TERB1: variants seen among roughly 807,000 people sequenced by gnomAD.
TERB1 encodes the protein telomere repeats-binding bouquet formation protein 1.
Under a neutral mutation model 92.3 loss-of-function variants are expected in TERB1, and 63 were observed. The observed-to-expected ratio is 0.68, with a 90% CI of 0.56 to 0.84. The LOEUF (loss-of-function observed/expected upper bound fraction) is 0.84. TERB1 is among the 40% of genes least tolerant of loss of function. The pLI is 0.00. For synonymous variants in TERB1, 252 were observed against 283.9 expected (o/e 0.89, Z 1.13); for missense variants, 709 against 843.7 (o/e 0.84, Z 1.98).
rs567631836 is a variant in TERB1 at position 66,796,933 on chromosome 16, C to T, written c.-32-103G>A. 1,680 of 569,122 alleles carry T rather than the reference C, an allele frequency of 3.0e-3. 34 individuals are homozygous for T. The highest frequency in any genetic ancestry group is 0.029 in the South Asian group (1,162 of 39,720). The allele number at this position is 569,122 out of a possible 1,614,324, so 35.3% of individuals were successfully genotyped here. On this transcript the variant is annotated intron_variant, in intron 2 of 18. Coordinates refer to ENST00000433154, the MANE Select transcript of TERB1 (RefSeq NM_001136505.2). ...AATTGTTTTCCTGAAGCCAAAAGAC[C>T]GAGGAACTACAACTTTTAAAATAAT...
intron 16 of TERB1, among the ~76,000 whole-genome samples, chr16:66,766,902 C>T (rs1315838472): frequency 6.6e-6 from 1 of 152,170 alleles, no homozygotes; most frequent in Non-Finnish European, 1.5e-5. Context: ...CAGCCTTGGC[C>T]TTCCAAAGTG....
chr16:66,770,004 A>G lies in TERB1; in HGVS notation c.1578T>C (p.His526=), dbSNP rs1345572429. 3 of 1,551,152 alleles carry G rather than the reference A, an allele frequency of 1.9e-6. No individual in the cohort carries two copies. The highest frequency in any genetic ancestry group is 2.4e-5 in the East Asian group (1 of 40,926). Reference sequence around the variant, plus strand: ...AATTCTTTTCAAAAGTAGTTTCTTCATGTAAGTTTTGATTGCAGCTTGACT... The same window carrying G: ...AATTCTTTTCAAAAGTAGTTTCTTCGTGTAAGTTTTGATTGCAGCTTGACT... ...KAKSSCNQNL[H]EETTFEKNFV... The change falls in exon 14 of 19, where the codon CAT becomes CAC. Residue 526 remains histidine (H), a synonymous_variant. Transcript: ENST00000433154.
intron 16 of TERB1, among the ~76,000 whole-genome samples, chr16:66,767,102 G>T (rs989346974): frequency 6.6e-6 from 1 of 151,606 alleles, no homozygotes; most frequent in African/African-American, 2.4e-5. Flanking sequence ...GCTGAGGCAG[G>T]CAGATCATTT....
At chr16:66,782,140 A>G (rs1012470166) in intron 9 of TERB1, among the ~76,000 whole-genome samples, 1 of 152,206 alleles carries the variant, frequency 6.6e-6, no homozygotes, top group Non-Finnish European at 1.5e-5. Context: ...TTTTTCTAGC[A>G]TTATTTGTTG....
At chr16:66,784,312 C>T (rs2018684738) in intron 9 of TERB1, among the ~76,000 whole-genome samples, 1 of 151,608 alleles carries the variant, frequency 6.6e-6, no homozygotes, top group Non-Finnish European at 1.5e-5. Flanking sequence ...TAGGTAGAAG[C>T]TAATATGGTT....
intron 3 of TERB1, among the ~76,000 whole-genome samples, chr16:66,794,335 A>T (rs1051204893): frequency 1.3e-5 from 2 of 152,014 alleles, no homozygotes; most frequent in Non-Finnish European, 2.9e-5. Flanking sequence ...CCTGAGCTCA[A>T]GCCATCCTCC....
At chr16:66,801,763 A>T (rs1411214039), upstream of TERB1, 1 of 152,212 alleles carries the variant, frequency 6.6e-6, no homozygotes, top group Non-Finnish European at 1.5e-5. Flanking sequence ...TTGAAAGAGA[A>T]ATCTCACCGC....
At chr16:66,780,480 G>A (rs1005818300) in intron 9 of TERB1, among the ~76,000 whole-genome samples, 3 of 152,006 alleles carry the variant, frequency 2.0e-5, no homozygotes, top group African/African-American at 4.8e-5. Context: ...TAAGGCAGGG[G>A]GATCACTTAG....
chr16:66,772,827 C>A (rs2018476675), intron 12 of TERB1, 78 bp from the exon 13 acceptor site: 1 of 1,078,626 alleles, frequency 9.3e-7, no homozygotes, highest in Non-Finnish European at 1.3e-6. Context: ...ACAGCCCACC[C>A]TCTCCTTTCT....
chr16:66,772,802 T>C lies in TERB1; in HGVS notation c.1112-53A>G, dbSNP rs1301008934. Reference sequence around the variant, plus strand: ...TGAAAAGTTATTTAAACACTTTATATATAAGGACAACTTCACAGCCCACCC... The same window carrying C: ...TGAAAAGTTATTTAAACACTTTATACATAAGGACAACTTCACAGCCCACCC... On this transcript the variant is annotated intron_variant, in intron 12 of 18. Coordinates refer to ENST00000433154, the MANE Select transcript of TERB1 (RefSeq NM_001136505.2). 9.4e-6 allele frequency: 13 copies of C among 1,376,096 alleles called. No homozygotes were observed. In the East Asian group the frequency reaches 1.3e-4, roughly 13 times the overall value. The allele number at this position is 1,376,096 out of a possible 1,614,324, so 85.2% of individuals were successfully genotyped here. A position where few individuals can be genotyped will look rare whatever the true frequency, so the allele number is the denominator to read the frequency against.
chr16:66,760,130 CAAAAA>C (rs148772308), intron 16 of TERB1, among the ~76,000 whole-genome samples: 5 of 23,396 alleles, frequency 2.1e-4, no homozygotes, highest in South Asian at 2.2e-3. Context: ...GACTCCATCT[CAAAAA>C]AAAAAAAAAA....
rs1369613603 is a variant in TERB1, at chr16:66,760,466, AAAAAGAAAAG to A, written c.1781-1186_1781-1177del. ...AGCGAGACTCCATCTCAAAAAAAAA[AAAAAGAAAAG>A]AAAAGAAAAGAAAAGAAAAAGAGCA... is the stretch of plus-strand genomic sequence containing the variant. On this transcript the variant is annotated intron_variant, in intron 16 of 18. Transcript: ENST00000433154. 3.2e-4 allele frequency among the ~76,000 whole-genome samples: 23 copies of A among 71,632 alleles called. No individual in the cohort carries two copies. In the East Asian group the frequency reaches 9.0e-3, roughly 28 times the overall value. The allele number at this position is 71,632 out of a possible 152,430, so 47.0% of individuals were successfully genotyped here.
chr16:66,776,265 G>A (rs2018546761), intron 11 of TERB1, among the ~76,000 whole-genome samples: 2 of 150,058 alleles, frequency 1.3e-5, no homozygotes. Context: ...GGAGGCGGAG[G>A]TTGCAGTGAG....
intron 13 of TERB1, among the ~76,000 whole-genome samples, chr16:66,771,769 A>C (rs139697708): frequency 1.6e-3 from 250 of 152,300 alleles, no homozygotes; most frequent in Non-Finnish European, 5.4e-4. Flanking sequence ...GACTGGTTAA[A>C]TCAATTATGG....
At chr16:66,765,849 A>ATTTTTTTTTTTTTTTT (rs10564947) in intron 16 of TERB1, among the ~76,000 whole-genome samples, 1 of 62,460 alleles carries the variant, frequency 1.6e-5, no homozygotes, top group Non-Finnish European at 2.8e-5. Flanking sequence ...ACTATTGGGT[A>ATTTTTTTTTTTTTTTT]TTTTTTTTTT....
chr16:66,769,900 A>T, intron 14 of TERB1, 63 bp downstream of exon 14: 1 of 1,082,656 alleles, frequency 9.2e-7, no homozygotes, highest in Non-Finnish European at 1.3e-6. Flanking sequence ...AGTGTGGCAT[A>T]CTGTAGTACA....
chr16:66,755,670 G>A (rs554888161), intron 18 of TERB1, among the ~76,000 whole-genome samples: 101 of 152,148 alleles, frequency 6.6e-4, no homozygotes, highest in Non-Finnish European at 1.3e-3. Flanking sequence ...AGCTTCTCGG[G>A]AGGCTGAGGC....
chr16:66,772,704 T>C lies in TERB1; in HGVS notation c.1157A>G (p.Asn386Ser), dbSNP rs2145134632. The change falls in exon 13 of 19, where the codon AAT (asparagine) becomes AGT (serine). Residue 386 changes from asparagine to serine, a missense_variant. By Grantham distance (46) the Asn-to-Ser change is conservative. Coordinates refer to ENST00000433154, the MANE Select transcript of TERB1 (RefSeq NM_001136505.2). ...LSLGEYPFDE[N>S]ETQQLKDISV... ...TATGTCCTTTAATTGCTGTGTTTCA[T>C]TTTCATCAAAAGGATATTCTCCTAG... is the stretch of plus-strand genomic sequence containing the variant. The C allele has an allele frequency of 6.5e-7, 1 of 1,549,368 alleles. No homozygotes were observed. Among genetic ancestry groups the C allele is most frequent in the African/African-American group, 1.4e-5 (1 of 73,070 alleles).
intron 16 of TERB1, among the ~76,000 whole-genome samples, chr16:66,761,860 C>T (rs1177673761): frequency 6.6e-6 from 1 of 152,204 alleles, no homozygotes; most frequent in East Asian, 1.9e-4. Flanking sequence ...GGAGACCACC[C>T]TGGCCAACAT....
Sources: allele counts gnomAD v4.1 joint callset (sites outside exome capture counted in the v4.1 genomes callset), GRCh38; gene constraint gnomAD v4.1.1; transcripts MANE v1.5; gene names NCBI Gene and HGNC (gene_info 2026-07-23, HGNC 2026-07-21).